NRP2: variants seen among roughly 807,000 people sequenced by gnomAD.
NRP2 encodes neuropilin 2, also known as neuropilin-2.
A neutral mutation model predicts 110.4 loss-of-function variants in NRP2; 52 were observed. The ratio of observed to expected loss-of-function variants is 0.47; its 90% CI spans 0.38 to 0.59. The LOEUF is 0.59. Ranked by LOEUF, NRP2 falls within the 20% of genes least tolerant of loss-of-function variation. NRP2 has a pLI of 0.00. For synonymous variants in NRP2, 508 were observed against 468.9 expected, an observed-to-expected ratio of 1.08 and a Z score of -1.08; for missense variants, 1,049 against 1,203.0, an observed-to-expected ratio of 0.87 and a Z score of 1.89.
intron 1 of NRP2, among the ~76,000 whole-genome samples, chr2:205,690,961 C>G (rs1237746884): frequency 1.3e-5 from 2 of 152,074 alleles, no homozygotes; most frequent in Non-Finnish European, 2.9e-5. Flanking sequence ...AACATTTGCA[C>G]TTAATAACAG....
intron 15 of NRP2, among the ~76,000 whole-genome samples, chr2:205,780,446 T>A (rs2058161297): frequency 6.6e-6 from 1 of 152,160 alleles, no homozygotes; most frequent in South Asian, 2.1e-4. Flanking sequence ...GTGACCCAGT[T>A]ATATAAAATA....
At chr2:205,770,310 C>T (rs1347680841) in intron 15 of NRP2, among the ~76,000 whole-genome samples, 1 of 152,180 alleles carries the variant, frequency 6.6e-6, no homozygotes, top group Non-Finnish European at 1.5e-5. Flanking sequence ...CCACAGTTCT[C>T]ATCCAGACAA....
intron 11 of NRP2, among the ~76,000 whole-genome samples, chr2:205,750,751 G>A (rs1421396440): frequency 3.3e-5 from 5 of 152,144 alleles, no homozygotes; most frequent in African/African-American, 1.2e-4. Flanking sequence ...GGGAAGATTG[G>A]CAAAGAGACT....
At chr2:205,758,350 T>C (rs537673674) in intron 12 of NRP2, among the ~76,000 whole-genome samples, 42 of 152,222 alleles carry the variant, frequency 2.8e-4, no homozygotes, top group Non-Finnish European at 4.7e-4. Flanking sequence ...GGCTTTGTGA[T>C]AGCCAGGAGG....
intron 12 of NRP2, chr2:205,760,977 A>T (rs2057811492): frequency 1.3e-5 from 2 of 152,216 alleles, no homozygotes; most frequent in South Asian, 4.1e-4. Flanking sequence ...TGAGGTGGCA[A>T]CAGTAAGGGC....
intron 15 of NRP2, chr2:205,777,487 TG>T (rs1385306930): frequency 2.6e-5 from 4 of 152,174 alleles, no homozygotes; most frequent in Non-Finnish European, 5.9e-5. Flanking sequence ...ATAACAAGTC[TG>T]GGACTGACGT....
At chr2:205,753,073 G>A (rs376280175) in intron 12 of NRP2, 98 bp downstream of exon 12, 40 of 1,471,594 alleles carry the variant, frequency 2.7e-5, no homozygotes, top group African/African-American at 1.1e-4. Flanking sequence ...ACTTCCCACC[G>A]CACAGCAATC....
intron 2 of NRP2, among the ~76,000 whole-genome samples, chr2:205,698,243 A>G (rs1274034119): frequency 6.6e-6 from 1 of 152,000 alleles, no homozygotes; most frequent in Non-Finnish European, 1.5e-5. Flanking sequence ...AAATCTAAGT[A>G]GTTCTAAGAT....
At chr2:205,684,328 T>C (rs2056092992) in intron 1 of NRP2, among the ~76,000 whole-genome samples, 2 of 152,106 alleles carry the variant, frequency 1.3e-5, no homozygotes, top group Non-Finnish European at 2.9e-5. Flanking sequence ...GTCTGGAATC[T>C]AACAACAAAA....
intron 7 of NRP2, among the ~76,000 whole-genome samples, chr2:205,735,520 T>C (rs1197440549): frequency 7.7e-6 from 1 of 129,990 alleles, no homozygotes; most frequent in African/African-American, 3.6e-5. Flanking sequence ...ATATATAGAA[T>C]GAATATATTC....
chr2:205,707,750 T>C (rs1475232149), intron 2 of NRP2, among the ~76,000 whole-genome samples: 1 of 152,126 alleles, frequency 6.6e-6, no homozygotes, highest in African/African-American at 2.4e-5. Context: ...GACGGGGAAG[T>C]TATGATTTGC....
chr2:205,751,225 AAAAATTAAGGGTTCTGCTGC>A (rs2057639129), intron 11 of NRP2, among the ~76,000 whole-genome samples: 1 of 152,132 alleles, frequency 6.6e-6, no homozygotes, highest in South Asian at 2.1e-4. Context: ...CAATCAAAGG[AAAAATTAAGGGTTCTGCTGC>A]AAAATTTCAG....
At chr2:205,711,795 T>G (rs34961383) in intron 2 of NRP2, among the ~76,000 whole-genome samples, 36,584 of 152,128 alleles carry the variant, frequency 0.24, 4,728 homozygotes, top group Middle Eastern at 0.37. Context: ...TCCCTAAAGC[T>G]GGATTCTGAC....
Position 205,728,606 on chromosome 2 carries a change from C to T in NRP2, c.1146+560C>T, listed in dbSNP as rs143103278. Among the ~76,000 whole-genome samples, 438 of 152,342 alleles carry T rather than the reference C, an allele frequency of 2.9e-3. 2 individuals are homozygous for T. The highest frequency in any genetic ancestry group is 5.0e-3 in the Non-Finnish European group (341 of 68,032). On this transcript the variant is annotated intron_variant, in intron 7 of 16. Transcript: ENST00000357785. ...TTGAATTCTCTCTGCTGGTGCCTCCCGCATCTGCGGCTCCCGGAGGTGTGG... is the reference window on the plus strand; with the variant it reads ...TTGAATTCTCTCTGCTGGTGCCTCCTGCATCTGCGGCTCCCGGAGGTGTGG...
Position 205,740,543 on chromosome 2 carries a change from A to G in NRP2, c.1171A>G (p.Thr391Ala). 1 of 1,614,212 alleles carries G rather than the reference A, an allele frequency of 6.2e-7. No homozygotes were observed. Among genetic ancestry groups the G allele is most frequent in the Non-Finnish European group, 8.5e-7 (1 of 1,180,036 alleles). Reference protein sequence around the residue: ...HKVFQANNDATEVVLNKLHAP... With the variant: ...HKVFQANNDAAEVVLNKLHAP... ...GGTATTTCAAGCCAACAACGATGCAACTGAGGTGGTTCTGAACAAGCTCCA... is the reference window on the plus strand; with the variant it reads ...GGTATTTCAAGCCAACAACGATGCAGCTGAGGTGGTTCTGAACAAGCTCCA... The change falls in exon 8 of 17, where the codon ACT (threonine) becomes GCT (alanine). Residue 391 changes from threonine (T) to alanine (A), a missense_variant. Transcript: ENST00000357785.
chr2:205,739,329 A>G (rs1223480039), intron 7 of NRP2, among the ~76,000 whole-genome samples: 1 of 152,216 alleles, frequency 6.6e-6, no homozygotes, highest in Non-Finnish European at 1.5e-5. Context: ...TGGAGATAAG[A>G]ATATCTACCT....
At chr2:205,699,646 G>A (rs2056510322) in intron 2 of NRP2, among the ~76,000 whole-genome samples, 1 of 152,204 alleles carries the variant, frequency 6.6e-6, no homozygotes, top group South Asian at 2.1e-4. Flanking sequence ...CAGAGATGGG[G>A]AGAACTGAAG....
chr2:205,689,091 C>G (rs1294365258), intron 1 of NRP2, among the ~76,000 whole-genome samples: 1 of 152,174 alleles, frequency 6.6e-6, no homozygotes, highest in Non-Finnish European at 1.5e-5. Context: ...TTCACACAGA[C>G]AGAGTACTGG....
At chr2:205,770,456 C>T (rs556386683) in intron 15 of NRP2, among the ~76,000 whole-genome samples, 1 of 136,792 alleles carries the variant, frequency 7.3e-6, no homozygotes, top group Non-Finnish European at 1.6e-5. Context: ...TTCTTTGGTG[C>T]CAACTGGCCA....
Sources: allele counts gnomAD v4.1 joint callset (sites outside exome capture counted in the v4.1 genomes callset), GRCh38; gene constraint gnomAD v4.1.1; transcripts MANE v1.5; gene names NCBI Gene and HGNC (gene_info 2026-07-23, HGNC 2026-07-21).